The following SREK1 variants were observed in gnomAD, a reference collection of about 807,000 sequenced individuals.
SREK1 encodes the protein splicing regulatory glutamine/lysine-rich protein 1.
A neutral mutation model predicts 66.5 loss-of-function variants in SREK1; 13 were observed. That is an observed-to-expected ratio of 0.20 (90% CI 0.13 to 0.31). SREK1 has a LOEUF of 0.31. Ranked by LOEUF, SREK1 falls within the 10% of genes least tolerant of loss-of-function variation. The probability of loss-of-function intolerance (pLI) is 1.00; values close to 1 mark genes in which losing one functional copy is unlikely to be tolerated. For synonymous variants in SREK1, 265 were observed against 263.5 expected (o/e 1.01, Z -0.05); for missense variants, 607 against 769.6 (o/e 0.79, Z 2.50).
At chr5:66,159,128 A>AT in intron 2 of SREK1, 91 bp from the exon 3 acceptor site, 1 of 1,466,944 alleles carries the variant, frequency 6.8e-7, no homozygotes, top group Non-Finnish European at 9.0e-7. Context: ...TATTATTATT[A>AT]TTTTTTAACT....
At chr5:66,159,673 C>T (rs1237085899) in intron 3 of SREK1, among the ~76,000 whole-genome samples, 2 of 151,930 alleles carry the variant, frequency 1.3e-5, no homozygotes, top group Non-Finnish European at 2.9e-5. Context: ...ATTTAAAATA[C>T]GTGAAATGAT....
intron 1 of SREK1, among the ~76,000 whole-genome samples, chr5:66,147,494 G>GT (rs1743350566): frequency 6.6e-6 from 1 of 152,182 alleles, no homozygotes; most frequent in Non-Finnish European, 1.5e-5. Context: ...CACCCTGTAA[G>GT]TTCCCCGTGA....
At chr5:66,152,092 G>A (rs1053307985) in intron 1 of SREK1, among the ~76,000 whole-genome samples, 1 of 151,946 alleles carries the variant, frequency 6.6e-6, no homozygotes, top group Non-Finnish European at 1.5e-5. Flanking sequence ...TGATCCGCCC[G>A]CCTTCCGCCT....
Position 66,162,435 on chromosome 5 carries a change from C to G in SREK1, c.598C>G (p.Leu200Val), listed in dbSNP as rs1166457570. 6.2e-7 allele frequency: 1 copy of G among 1,613,986 alleles called. No homozygotes were observed. The highest frequency in any genetic ancestry group is 8.5e-7 in the Non-Finnish European group (1 of 1,179,924). ...TTAGACAACGACAGCTGATCAACTACTTGAATTTTTTAAACAAGTTGGAGA... is the reference window on the plus strand; with the variant it reads ...TTAGACAACGACAGCTGATCAACTAGTTGAATTTTTTAAACAAGTTGGAGA... Reference protein sequence around the residue: ...NSQTTTADQLLEFFKQVGEVK... With the variant: ...NSQTTTADQLVEFFKQVGEVK... Residue 200 changes from leucine (L) to valine (V), a missense_variant, in exon 5 of 12, where the codon CTT becomes GTT. Leu to Val is a conservative substitution (Grantham distance 32, BLOSUM62 1). This residue lies in a region of SREK1 where 99 missense variants were observed against 186.6 expected (regional missense o/e 0.53). Transcript: ENST00000334121.
intron 9 of SREK1, among the ~76,000 whole-genome samples, chr5:66,174,330 C>T (rs1250384885): frequency 6.7e-6 from 1 of 148,826 alleles, no homozygotes; most frequent in East Asian, 1.9e-4. Flanking sequence ...TTGCTTACAT[C>T]TAAGCAACTT....
intron 1 of SREK1, chr5:66,144,788 G>A: frequency 8.3e-7 from 1 of 1,208,706 alleles, no homozygotes; most frequent in African/African-American, 1.6e-5. Context: ...TGTGCCTCCG[G>A]GACTTGTGTT....
At chr5:66,161,616 G>T (rs1214014702) in intron 3 of SREK1, among the ~76,000 whole-genome samples, 1 of 152,140 alleles carries the variant, frequency 6.6e-6, no homozygotes, top group Non-Finnish European at 1.5e-5. Context: ...CTTCATTCAG[G>T]CCTGAATTGT....
chr5:66,151,938 C>T (rs1176392676), intron 1 of SREK1, among the ~76,000 whole-genome samples: 5 of 150,668 alleles, frequency 3.3e-5, no homozygotes, highest in South Asian at 2.1e-4. Flanking sequence ...CTCCGCCTCC[C>T]GGGTTCACGC....
intron 9 of SREK1, among the ~76,000 whole-genome samples, chr5:66,174,012 A>G (rs904853056): frequency 1.8e-4 from 27 of 152,102 alleles, no homozygotes; most frequent in African/African-American, 6.3e-4. Context: ...GAAATGAAAA[A>G]CTTAAATTAT....
chr5:66,156,451 G>A, intron 2 of SREK1: 1 of 1,038,590 alleles, frequency 9.6e-7, no homozygotes, highest in Non-Finnish European at 1.2e-6. Flanking sequence ...AGGATACAGT[G>A]TTGTGAAGCT....
chr5:66,169,960 A>G (rs1235300613), intron 7 of SREK1, 91 bp from the exon 8 acceptor site: 1 of 1,034,038 alleles, frequency 9.7e-7, no homozygotes, highest in Admixed American at 3.6e-5. Context: ...TTTTTAAAAT[A>G]TTGTTAAATA....
intron 7 of SREK1, chr5:66,165,912 G>A (rs1351891723): frequency 6.6e-6 from 1 of 152,120 alleles, no homozygotes; most frequent in Non-Finnish European, 1.5e-5. Context: ...GAGATTCAAA[G>A]AATGAGGAAA....
chr5:66,162,309 C>A (rs1744840160), intron 4 of SREK1, 36 bp downstream of exon 4: 8 of 1,608,900 alleles, frequency 5.0e-6, no homozygotes, highest in Non-Finnish European at 6.8e-6. Flanking sequence ...CAGCAGTAGC[C>A]CTTATTCTTT....
At chr5:66,164,716 G>A in intron 6 of SREK1, 67 bp from the exon 7 acceptor site, 1 of 1,612,080 alleles carries the variant, frequency 6.2e-7, no homozygotes. Context: ...TTCCACTTGT[G>A]CCTGATTATT....
In SREK1 at chr5:66,182,375, G is replaced by A. The variant is rs896732343; in HGVS notation, c.*3507G>A. ...ATGTAATTTTCACTTAAAATTAGAT[G>A]TTTATTTTCAAATTTTAAAAGCTAG... is the stretch of plus-strand genomic sequence containing the variant. On this transcript the variant is annotated 3_prime_UTR_variant, in exon 12 of 12. Transcript: ENST00000334121. The A allele has an allele frequency of 6.6e-6, 1 of 151,948 alleles. No homozygotes were observed. Among genetic ancestry groups the A allele is most frequent in the Non-Finnish European group, 1.5e-5 (1 of 67,968 alleles). The allele number at this position is 151,948 out of a possible 1,614,324, so 9.4% of individuals were successfully genotyped here. A position where few individuals can be genotyped will look rare whatever the true frequency, so the allele number is the denominator to read the frequency against.
intron 2 of SREK1, 81 bp from the exon 3 acceptor site, chr5:66,159,138 T>C: frequency 2.0e-6 from 3 of 1,514,484 alleles, no homozygotes; most frequent in South Asian, 2.7e-5. Flanking sequence ...ATTTTTTAAC[T>C]GCAAGGGTAA....
At chr5:66,160,108 C>G (rs1256532818) in intron 3 of SREK1, among the ~76,000 whole-genome samples, 1 of 148,564 alleles carries the variant, frequency 6.7e-6, no homozygotes, top group Non-Finnish European at 1.5e-5. Flanking sequence ...CCAGCCTGGG[C>G]GACAGAGGGA....
intron 1 of SREK1, 125 bp downstream of exon 1, chr5:66,144,662 GGT>G: frequency 2.1e-6 from 3 of 1,414,532 alleles, no homozygotes; most frequent in Non-Finnish European, 1.9e-6. Context: ...GGCTTACCTT[GGT>G]GCCCATATTT....
chr5:66,148,840 GTCT>G (rs1173332847), intron 1 of SREK1, among the ~76,000 whole-genome samples: 3 of 151,850 alleles, frequency 2.0e-5, no homozygotes, highest in Admixed American at 2.0e-4. Context: ...TTCCCCCAAG[GTCT>G]TCTTCTGTTG....
Sources: allele counts gnomAD v4.1 joint callset (sites outside exome capture counted in the v4.1 genomes callset), GRCh38; gene constraint gnomAD v4.1.1; regional missense constraint gnomAD v4.1.1; transcripts MANE v1.5; gene names NCBI Gene and HGNC (gene_info 2026-07-23, HGNC 2026-07-21).